The following ANXA8 variants were observed in gnomAD, a reference collection of about 807,000 sequenced individuals.
The protein encoded by ANXA8 is annexin A8.
In ANXA8, 9 loss-of-function variants were observed where a neutral mutation model predicts 26.8. The ratio of observed to expected loss-of-function variants is 0.34; its 90% CI spans 0.20 to 0.59. ANXA8 has a LOEUF of 0.59. ANXA8 is among the 20% of genes least tolerant of loss of function. The pLI, the probability that ANXA8 is intolerant of heterozygous loss-of-function variation, is 0.84. For missense variants in ANXA8, 83 were observed against 238.5 expected, an observed-to-expected ratio of 0.35 and a Z score of 4.29; for synonymous variants, 39 against 94.8, an observed-to-expected ratio of 0.41 and a Z score of 3.42.
At chr10:47,534,677 G>T in the ANXA8 span, among the ~76,000 whole-genome samples, 1 of 108,282 alleles carries the variant, frequency 9.2e-6, no homozygotes, top group South Asian at 3.0e-4. Flanking sequence ...TTTTTGAGAC[G>T]GAGTTTTGCT....
the ANXA8 span, among the ~76,000 whole-genome samples, chr10:47,576,954 T>A: frequency 6.8e-6 from 1 of 147,842 alleles, no homozygotes; most frequent in Non-Finnish European, 1.5e-5. Context: ...CACATTATAA[T>A]CAAATTGTAG....
chr10:47,926,196 AT>A, the ANXA8 span, among the ~76,000 whole-genome samples: 313 of 25,958 alleles, frequency 0.012, 105 homozygotes, highest in Non-Finnish European at 0.017. Context: ...ACACCCAGCT[AT>A]TTTTTTTTTT....
At chr10:47,519,361 G>A in the ANXA8 span, among the ~76,000 whole-genome samples, 1,731 of 116,088 alleles carry the variant, frequency 0.015, 29 homozygotes, top group Middle Eastern at 0.036. Flanking sequence ...CCAACTACTC[G>A]GGAGGCTGAG....
At chr10:47,941,373 A>G in the ANXA8 span, among the ~76,000 whole-genome samples, 3,265 of 146,248 alleles carry the variant, frequency 0.022, 531 homozygotes, top group African/African-American at 0.082. Context: ...TGGCATTTTC[A>G]GCTGGGTGTG....
chr10:47,528,124 G>A, the ANXA8 span, among the ~76,000 whole-genome samples: 19 of 135,416 alleles, frequency 1.4e-4, no homozygotes, highest in African/African-American at 4.2e-4. Context: ...CTGTCACCCA[G>A]GCTGGAGTGC....
At chr10:47,733,281 TTC>T in the ANXA8 span, among the ~76,000 whole-genome samples, 9 of 99,704 alleles carry the variant, frequency 9.0e-5, no homozygotes, top group African/African-American at 2.1e-4. Flanking sequence ...CTTTCTTTCT[TTC>T]TTTCTTTCTT....
the ANXA8 span, among the ~76,000 whole-genome samples, chr10:47,555,895 CA>C: frequency 2.0e-5 from 3 of 151,980 alleles, no homozygotes; most frequent in Admixed American, 6.6e-5. Context: ...TAGCAGGACA[CA>C]GAAAGCTAGG....
the ANXA8 span, among the ~76,000 whole-genome samples, chr10:47,659,405 C>T: frequency 6.6e-6 from 1 of 151,512 alleles, no homozygotes; most frequent in South Asian, 2.1e-4. Flanking sequence ...TTAGGCCGGG[C>T]GCGGTGGCTC....
At chr10:47,546,334 T>TA in the ANXA8 span, among the ~76,000 whole-genome samples, 3,734 of 130,060 alleles carry the variant, frequency 0.029, 114 homozygotes, top group African/African-American at 0.1. Flanking sequence ...TAGAATTAAG[T>TA]AAAAAAACAG....
chr10:47,666,924 A>G, the ANXA8 span, among the ~76,000 whole-genome samples: 2 of 152,162 alleles, frequency 1.3e-5, no homozygotes, highest in South Asian at 4.1e-4. Flanking sequence ...AACATAAATT[A>G]TTTGCATGAT....
the ANXA8 span, chr10:47,756,185 CTTG>C: frequency 1.0e-5 from 4 of 381,680 alleles, no homozygotes; most frequent in Non-Finnish European, 1.3e-5. Context: ...ACTTGACAAA[CTTG>C]TTGTGGTTCA....
At chr10:47,767,432 C>T in the ANXA8 span, among the ~76,000 whole-genome samples, 1 of 152,284 alleles carries the variant, frequency 6.6e-6, no homozygotes, top group Non-Finnish European at 1.5e-5. Flanking sequence ...GGGCTTGGGC[C>T]TGTGGCTCCC....
the ANXA8 span, among the ~76,000 whole-genome samples, chr10:47,667,936 C>T: frequency 1.3e-5 from 2 of 151,940 alleles, no homozygotes; most frequent in Non-Finnish European, 2.9e-5. Flanking sequence ...CAGGGTTTCA[C>T]CATGTTGGGC....
the ANXA8 span, chr10:47,696,254 T>A: frequency 2.6e-6 from 1 of 390,604 alleles, no homozygotes; most frequent in East Asian, 4.2e-5. Flanking sequence ...TGTTTTGTCA[T>A]TTCGTGCCCT....
the ANXA8 span, among the ~76,000 whole-genome samples, chr10:47,950,473 A>G: frequency 1.3e-5 from 2 of 151,566 alleles, no homozygotes. Flanking sequence ...ATGCAAAGTC[A>G]GTTTAATCAA....
At chr10:47,559,572 T>C in the ANXA8 span, among the ~76,000 whole-genome samples, 1 of 152,028 alleles carries the variant, frequency 6.6e-6, no homozygotes, top group East Asian at 1.9e-4. Flanking sequence ...TTGTGTCTTA[T>C]TGGAGATTGT....
In ANXA8 at chr10:47,468,754, C is replaced by A; in HGVS notation, c.*93G>T. ...AAATAGAAGACCGAAAGGCTGGGACCCCCCTCACACCCAACCTGCGTCCAT... is the reference window on the plus strand; with the variant it reads ...AAATAGAAGACCGAAAGGCTGGGACACCCCTCACACCCAACCTGCGTCCAT... On this transcript the variant is annotated 3_prime_UTR_variant, in exon 12 of 12. Coordinates refer to ENST00000585281, the MANE Select transcript of ANXA8 (RefSeq NM_001040084.3). 1 of 1,550,138 alleles carries A rather than the reference C, an allele frequency of 6.5e-7. No individual in the cohort carries two copies. Among genetic ancestry groups the A allele is most frequent in the Non-Finnish European group, 8.7e-7 (1 of 1,146,468 alleles).
chr10:47,514,220 A>T, the ANXA8 span, among the ~76,000 whole-genome samples: 1 of 148,510 alleles, frequency 6.7e-6, no homozygotes, highest in Non-Finnish European at 1.5e-5. Flanking sequence ...TCAGTCAATG[A>T]GCGGATAAAG....
the ANXA8 span, among the ~76,000 whole-genome samples, chr10:47,975,626 T>C: frequency 1.3e-5 from 2 of 151,184 alleles, no homozygotes; most frequent in African/African-American, 4.8e-5. Context: ...TATCTTCATC[T>C]GCAAATGAAG....
Sources: gnomAD v4.1 joint callset for allele counts (sites outside exome capture counted in the v4.1 genomes callset) on GRCh38, gnomAD v4.1.1 for gene constraint, MANE v1.5 for transcripts, NCBI Gene and HGNC (gene_info 2026-07-23, HGNC 2026-07-21) for gene names.